Variants in MED23 observed in about 807,000 individuals in gnomAD.
MED23 encodes the protein mediator complex subunit 23.
In MED23, 105 loss-of-function variants were observed where a neutral mutation model predicts 163.9. The observed-to-expected ratio is 0.64, with a 90% CI of 0.55 to 0.75. The LOEUF is 0.75. Ranked by LOEUF, MED23 falls within the 30% of genes least tolerant of loss-of-function variation. The pLI, the probability that MED23 is intolerant of heterozygous loss-of-function variation, is 0.00. For synonymous variants in MED23, 561 were observed against 565.6 expected (o/e 0.99, Z 0.12); for missense variants, 1,054 against 1,649.0 (o/e 0.64, Z 6.25).
At chr6:131,586,383 GT>G (rs1363584227), downstream of MED23, among the ~76,000 whole-genome samples, 1 of 149,250 alleles carries the variant, frequency 6.7e-6, no homozygotes, top group African/African-American at 2.5e-5. Flanking sequence ...CTGGGTGACA[GT>G]ACGAGACTCC....
At chr6:131,583,605 C>T (rs564201797), downstream of MED23, 4 of 1,517,844 alleles carry the variant, frequency 2.6e-6, no homozygotes, top group East Asian at 9.5e-5. Context: ...GTCCATCAGT[C>T]ACATGATGCA....
At chr6:131,586,657 C>T (rs947238386), downstream of MED23, 6 of 1,041,210 alleles carry the variant, frequency 5.8e-6, no homozygotes, top group African/African-American at 8.3e-5. Flanking sequence ...GTGTAGGAAC[C>T]ACAGAGTACC....
Position 131,602,332 on chromosome 6 carries a change from CCT to C in MED23, c.1979_1980del (p.Glu660GlyfsTer10). The C allele has an allele frequency of 5.0e-6, 8 of 1,613,774 alleles. No homozygotes were observed. The highest frequency in any genetic ancestry group is 5.9e-6 in the Non-Finnish European group (7 of 1,179,786). On this transcript the variant is annotated frameshift_variant, in exon 17 of 29. Coordinates refer to ENST00000368068, the MANE Select transcript of MED23 (RefSeq NM_004830.4). LOFTEE classifies it high-confidence loss of function. ...AGGAAGCGTGTAAACTGCGGTTGTA[CCT>C]CTGAGCTACCTAATGCTGTTATAAG... ...LRLITALGSS[E>X]VQPQFTRFLS...
At chr6:131,620,587 C>G in intron 7 of MED23, 41 bp downstream of exon 7, 1 of 1,467,850 alleles carries the variant, frequency 6.8e-7, no homozygotes, top group Non-Finnish European at 9.5e-7. Context: ...CGAAGCCCAG[C>G]CGAAAATTTT....
At chr6:131,620,361 A>G (rs1458201329) in intron 7 of MED23, among the ~76,000 whole-genome samples, 2 of 152,060 alleles carry the variant, frequency 1.3e-5, no homozygotes, top group Non-Finnish European at 2.9e-5. Flanking sequence ...ATCACAGCTC[A>G]CTGCAGCCTC....
chr6:131,596,732 T>A (rs1775073535), intron 20 of MED23, 44 bp from the exon 21 acceptor site: 1 of 1,576,638 alleles, frequency 6.3e-7, no homozygotes, highest in Non-Finnish European at 8.7e-7. Context: ...GTTCAACCTG[T>A]GTAAAATCAT....
chr6:131,579,591 T>G, intron 30 of MED23: 1 of 251,702 alleles, frequency 4.0e-6, no homozygotes, highest in Non-Finnish European at 7.8e-6. Context: ...AATTCATAGC[T>G]TATTTGTTCT....
intron 25 of MED23, 56 bp from the exon 26 acceptor site, chr6:131,591,583 A>G: frequency 1.6e-6 from 2 of 1,246,410 alleles, no homozygotes; most frequent in Non-Finnish European, 2.3e-6. Context: ...ATTCCACCCC[A>G]AAGTCTAAAG....
downstream of MED23, among the ~76,000 whole-genome samples, chr6:131,586,221 C>T (rs1052313367): frequency 2.0e-5 from 3 of 151,844 alleles, no homozygotes; most frequent in African/African-American, 4.8e-5. Flanking sequence ...AGTGAAACCC[C>T]GTCTCTACTA....
intron 4 of MED23, 64 bp from the exon 5 acceptor site, chr6:131,623,526 C>T: frequency 7.8e-7 from 1 of 1,289,508 alleles, no homozygotes; most frequent in Non-Finnish European, 1.1e-6. Context: ...CTAATAGCCG[C>T]CAATATGGTT....
intron 6 of MED23, 79 bp from the exon 7 acceptor site, chr6:131,620,808 T>C: frequency 2.4e-6 from 2 of 821,046 alleles, no homozygotes; most frequent in East Asian, 3.0e-5. Flanking sequence ...ATCATTATTT[T>C]TTTTTTTTTT....
At chr6:131,588,290 G>A (rs961888814) in intron 28 of MED23, among the ~76,000 whole-genome samples, 10 of 152,108 alleles carry the variant, frequency 6.6e-5, no homozygotes, top group African/African-American at 2.2e-4. Context: ...ACTCATGTTT[G>A]CAACATTTAT....
intron 10 of MED23, among the ~76,000 whole-genome samples, chr6:131,612,433 A>G (rs897199046): frequency 1.3e-5 from 2 of 152,122 alleles, no homozygotes; most frequent in African/African-American, 4.8e-5. Context: ...AAGTGGAACA[A>G]ACATTTGTAA....
chr6:131,584,037 C>T, downstream of MED23: 1 of 1,034,760 alleles, frequency 9.7e-7, no homozygotes, highest in Non-Finnish European at 1.4e-6. Context: ...TTAGTATAAA[C>T]TCTACAAATT....
chr6:131,592,547 C>G (rs1271923904), intron 24 of MED23, 87 bp from the exon 25 acceptor site: 1 of 1,163,524 alleles, frequency 8.6e-7, no homozygotes, highest in Non-Finnish European at 1.3e-6. Flanking sequence ...AAGAATATGT[C>G]TAATTCAGAG....
intron 9 of MED23, among the ~76,000 whole-genome samples, chr6:131,616,395 T>C (rs1410282534): frequency 6.6e-6 from 1 of 152,230 alleles, no homozygotes; most frequent in East Asian, 1.9e-4. Context: ...TGCTCATGTT[T>C]CCTAGACATA....
Position 131,589,371 on chromosome 6 carries a change from A to G in MED23, c.3939+94T>C, listed in dbSNP as rs1774419312. The stretch of plus-strand genomic sequence containing the variant: ...CTTAAAAGAAAAAATTAGACAAAAT[A>G]AAAATAATCACCCAAACCAAAAAAG... On this transcript the variant is annotated intron_variant, in intron 28 of 28. Transcript: ENST00000368068. 2.4e-6 allele frequency: 3 copies of G among 1,253,212 alleles called. No homozygotes were observed. In the South Asian group the frequency reaches 4.1e-5, roughly 17 times the overall value. 77.6% of individuals were successfully genotyped at this position (1,253,212 alleles called of 1,614,324 possible).
chr6:131,574,272 C>T, exon 31 of MED23: 13 of 1,613,920 alleles, frequency 8.1e-6, no homozygotes, highest in African/African-American at 1.3e-5. Context: ...ATTTGGAACC[C>T]TTGCTGTGTA....
chr6:131,588,762 C>T (rs867942188), intron 28 of MED23, among the ~76,000 whole-genome samples: 1 of 152,088 alleles, frequency 6.6e-6, no homozygotes, highest in African/African-American at 2.4e-5. Context: ...GTTTCCTACA[C>T]GTAGGAAACT....
Sources: allele counts gnomAD v4.1 joint callset (sites outside exome capture counted in the v4.1 genomes callset), GRCh38; gene constraint gnomAD v4.1.1; transcripts MANE v1.5; gene names NCBI Gene and HGNC (gene_info 2026-07-23, HGNC 2026-07-21).